The following NUP205 variants were observed in gnomAD, a reference collection of about 807,000 sequenced individuals.
NUP205 encodes the protein nuclear pore complex protein Nup205.
NUP205 carries 76 observed loss-of-function variants against 253.8 expected under a neutral mutation model. That is an observed-to-expected ratio of 0.30 (90% confidence interval 0.25 to 0.36). NUP205 has a LOEUF of 0.36. Among genes scored for constraint, NUP205 ranks in the 10% least tolerant of loss-of-function variants. NUP205 has a pLI of 1.00. For missense variants in NUP205, 2,162 were observed against 2,425.5 expected (o/e 0.89, Z 2.28); for synonymous variants, 832 against 850.1 (o/e 0.98, Z 0.37).
chr7:135,624,937 G>A (rs1794554358), intron 31 of NUP205, among the ~76,000 whole-genome samples: 2 of 151,954 alleles, frequency 1.3e-5, no homozygotes, highest in Non-Finnish European at 2.9e-5. Context: ...GTTTTGTTTT[G>A]GAAATACATC....
intron 10 of NUP205, 60 bp downstream of exon 10, chr7:135,588,052 A>G (rs1806522267): frequency 1.4e-6 from 2 of 1,420,388 alleles, no homozygotes; most frequent in Non-Finnish European, 1.9e-6. Flanking sequence ...TCTTGAAAAC[A>G]TGAAAGATAT....
intron 39 of NUP205, among the ~76,000 whole-genome samples, chr7:135,643,860 C>T (rs1313167333): frequency 6.6e-6 from 1 of 152,206 alleles, no homozygotes; most frequent in East Asian, 1.9e-4. Context: ...TAGCTTGCTG[C>T]CTTTTCCATT....
At chr7:135,642,795 T>G (rs559971147) in intron 38 of NUP205, among the ~76,000 whole-genome samples, 9 of 152,110 alleles carry the variant, frequency 5.9e-5, no homozygotes, top group African/African-American at 2.2e-4. Context: ...ATTAGTCACT[T>G]GGTGTTAAGA....
chr7:135,594,822 T>G, intron 13 of NUP205, 93 bp downstream of exon 13: 1 of 962,120 alleles, frequency 1.0e-6, no homozygotes, highest in Non-Finnish European at 1.6e-6. Context: ...TTGGAACTTA[T>G]AGTATATCAT....
At chr7:135,584,514 T>C (rs1806403130) in intron 7 of NUP205, among the ~76,000 whole-genome samples, 1 of 152,238 alleles carries the variant, frequency 6.6e-6, no homozygotes, top group Non-Finnish European at 1.5e-5. Flanking sequence ...CATTTTAATA[T>C]GTGAATGTTT....
At chr7:135,573,393 T>C (rs1806055921) in intron 2 of NUP205, among the ~76,000 whole-genome samples, 2 of 152,220 alleles carry the variant, frequency 1.3e-5, no homozygotes, top group African/African-American at 4.8e-5. Flanking sequence ...AAAAATAGTA[T>C]GCTATTTTGT....
At chr7:135,626,170 T>C in intron 32 of NUP205, 70 bp from the exon 33 acceptor site, 1 of 1,580,148 alleles carries the variant, frequency 6.3e-7, no homozygotes, top group Admixed American at 1.7e-5. Flanking sequence ...GCCATCAAAG[T>C]GTTGCACTTT....
At chr7:135,619,345 A>G in intron 28 of NUP205, 78 bp from the exon 29 acceptor site, 1 of 1,490,094 alleles carries the variant, frequency 6.7e-7, no homozygotes, top group Non-Finnish European at 9.1e-7. Context: ...CTGTCTTCAA[A>G]AAAAAAAAGC....
chr7:135,608,611 G>A (rs962741290), intron 22 of NUP205, among the ~76,000 whole-genome samples: 7 of 151,946 alleles, frequency 4.6e-5, no homozygotes, highest in Non-Finnish European at 7.4e-5. Flanking sequence ...GGGAGGCTGG[G>A]GCATGAGAAT....
intron 38 of NUP205, among the ~76,000 whole-genome samples, chr7:135,640,237 AAT>A (rs1482590051): frequency 2.6e-5 from 4 of 152,318 alleles, no homozygotes; most frequent in Admixed American, 6.5e-5. Context: ...AAAAAAGAAA[AAT>A]ATATTAGTTT....
At chr7:135,607,523 T>A in intron 22 of NUP205, 152 bp downstream of exon 22, 1 of 841,680 alleles carries the variant, frequency 1.2e-6, no homozygotes, top group Non-Finnish European at 1.7e-6. Context: ...ATAAAATCCG[T>A]AAAGCACAAA....
chr7:135,563,624 G>A (rs1805658460), intron 1 of NUP205, among the ~76,000 whole-genome samples: 2 of 152,244 alleles, frequency 1.3e-5, no homozygotes, highest in South Asian at 4.1e-4. Context: ...GAAAATAAAT[G>A]TATTTCTCAA....
At chr7:135,592,895 A>G in intron 11 of NUP205, 92 bp from the exon 12 acceptor site, 1 of 992,534 alleles carries the variant, frequency 1.0e-6, no homozygotes, top group Non-Finnish European at 1.5e-6. Context: ...AAAAAAGAAA[A>G]AAGTATATTG....
intron 1 of NUP205, 67 bp from the exon 2 acceptor site, chr7:135,571,038 G>T: frequency 7.8e-7 from 1 of 1,287,620 alleles, no homozygotes; most frequent in Admixed American, 2.1e-5. Context: ...TGTGTGGATG[G>T]TAACCTCACA....
At chr7:135,624,023 C>G (rs1217390844) in intron 31 of NUP205, among the ~76,000 whole-genome samples, 2 of 152,118 alleles carry the variant, frequency 1.3e-5, no homozygotes, top group Admixed American at 6.5e-5. Context: ...ACCTCGTGAT[C>G]CTCCCGCCTC....
intron 30 of NUP205, 97 bp downstream of exon 30, chr7:135,619,985 C>T: frequency 1.3e-6 from 1 of 795,014 alleles, no homozygotes; most frequent in Non-Finnish European, 2.1e-6. Flanking sequence ...CTAATCACAA[C>T]TGTAAAAAAT....
Position 135,648,743 on chromosome 7 carries a change from A to G in NUP205, c.*187A>G. The G allele has an allele frequency of 5.2e-6, 2 of 387,280 alleles. No individual in the cohort carries two copies. Among genetic ancestry groups the G allele is most frequent in the East Asian group, 7.6e-5 (2 of 26,150 alleles). 24.0% of individuals were successfully genotyped at this position (387,280 alleles called of 1,614,324 possible). ...ACTAGTAAAAAATAAATACTTTTTA[A>G]AAAAACAAAACAAATGTATGGTTAA... On this transcript the variant is annotated 3_prime_UTR_variant, in exon 43 of 43. Transcript: ENST00000285968.
At chr7:135,631,244 A>T (rs1330677332) in intron 35 of NUP205, among the ~76,000 whole-genome samples, 3 of 152,198 alleles carry the variant, frequency 2.0e-5, no homozygotes, top group Non-Finnish European at 4.4e-5. Context: ...TGTGCACAAC[A>T]TTCAGGTTTG....
At chr7:135,603,893 A>G (rs1404346525) in intron 18 of NUP205, among the ~76,000 whole-genome samples, 1 of 152,142 alleles carries the variant, frequency 6.6e-6, no homozygotes, top group Admixed American at 6.5e-5. Context: ...GAAAGGAAGC[A>G]GACTTTTCAC....
Sources: allele counts gnomAD v4.1 joint callset (sites outside exome capture counted in the v4.1 genomes callset), GRCh38; gene constraint gnomAD v4.1.1; transcripts MANE v1.5; gene names NCBI Gene and HGNC (gene_info 2026-07-23, HGNC 2026-07-21).